The following ESYT3 variants were observed in gnomAD, a reference collection of about 807,000 sequenced individuals.
ESYT3 encodes extended synaptotagmin 3.
ESYT3 carries 101 observed loss-of-function variants against 111.5 expected under a neutral mutation model. The observed-to-expected ratio is 0.91, with a 90% CI of 0.77 to 1.07. The LOEUF is 1.07. Ranked by LOEUF, ESYT3 falls within the 50% of genes least tolerant of loss-of-function variation. ESYT3 has a pLI of 0.00. For missense variants in ESYT3, 1,097 were observed against 1,109.4 expected, an observed-to-expected ratio of 0.99 and a Z score of 0.16; for synonymous variants, 416 against 446.8, an observed-to-expected ratio of 0.93 and a Z score of 0.87.
chr3:138,452,262 A>C (rs1405513313), intron 2 of ESYT3, among the ~76,000 whole-genome samples, 173 bp downstream of exon 2: 1 of 152,216 alleles, frequency 6.6e-6, no homozygotes, highest in African/African-American at 2.4e-5. Context: ...TGTTAACAAC[A>C]ACAAATTGAA....
chr3:138,463,489 C>T (rs905553712), intron 8 of ESYT3, among the ~76,000 whole-genome samples: 2 of 152,202 alleles, frequency 1.3e-5, no homozygotes, highest in African/African-American at 4.8e-5. Context: ...CTCCAAAGTA[C>T]TTCACTATGG....
Position 138,469,506 on chromosome 3 carries a change from T to C in ESYT3, c.1503+2T>C, listed in dbSNP as rs1463135468. Reference sequence around the variant, plus strand: ...GGCAAGAAGACACATACAAGTAAGGTAAGACAGCTTGGTGTGTAGCCCTGG... The same window carrying C: ...GGCAAGAAGACACATACAAGTAAGGCAAGACAGCTTGGTGTGTAGCCCTGG... On this transcript the variant is annotated splice_donor_variant, in intron 15 of 22. Transcript: ENST00000389567. LOFTEE classifies it high-confidence loss of function. 4 of 1,613,440 alleles carry C rather than the reference T, an allele frequency of 2.5e-6. 1 individual carries two copies. Among genetic ancestry groups the C allele is most frequent in the Non-Finnish European group, 3.4e-6 (4 of 1,179,590 alleles).
At chr3:138,476,132 C>CA in intron 20 of ESYT3, 91 bp from the exon 21 acceptor site, 1 of 822,924 alleles carries the variant, frequency 1.2e-6, no homozygotes, top group Non-Finnish European at 2.1e-6. Flanking sequence ...CTGTACCTTT[C>CA]TGTTTTAGTA....
rs772763628 is a variant in ESYT3, at chr3:138,462,255, A to G, written c.915+49A>G. 1.9e-6 allele frequency: 3 copies of G among 1,612,998 alleles called. No homozygotes were observed. In the East Asian group the frequency reaches 6.7e-5, roughly 36 times the overall value. ...GACCAGCCTGCTGGGAGGCAGCGCAAATATCCTCTCAGCCTTCACATGTGG... is the reference window on the plus strand; with the variant it reads ...GACCAGCCTGCTGGGAGGCAGCGCAGATATCCTCTCAGCCTTCACATGTGG... On this transcript the variant is annotated intron_variant, in intron 8 of 22. Transcript: ENST00000389567.
At chr3:138,463,840 G>T (rs2108618914) in intron 8 of ESYT3, among the ~76,000 whole-genome samples, 1 of 152,196 alleles carries the variant, frequency 6.6e-6, no homozygotes, top group Non-Finnish European at 1.5e-5. Context: ...TAGGGAGGGG[G>T]TCTGCCCTGT....
rs1186135055 is a variant in ESYT3 at position 138,477,390 on chromosome 3, C to T, written c.*536C>T. ...ACACTGCCAAAGCCCTTCTGGCTGC[C>T]ACCTGTGGTACTTGTATGCCTGGAT... On this transcript the variant is annotated 3_prime_UTR_variant, in exon 23 of 23. Transcript: ENST00000389567. 1 of 152,494 alleles carries T rather than the reference C, an allele frequency of 6.6e-6. No homozygotes were observed. The highest frequency in any genetic ancestry group is 1.5e-5 in the Non-Finnish European group (1 of 68,274). 9.4% of individuals were successfully genotyped at this position (152,494 alleles called of 1,614,324 possible). A position where few individuals can be genotyped will look rare whatever the true frequency, so the allele number is the denominator to read the frequency against.
In ESYT3 at chr3:138,470,886, G is replaced by A. The variant is rs774398275; in HGVS notation, c.1600G>A (p.Asp534Asn). 1.4e-5 allele frequency: 23 copies of A among 1,614,146 alleles called. No homozygotes were observed. The highest frequency in any genetic ancestry group is 1.1e-5 in the Non-Finnish European group (13 of 1,180,014). Residue 534 changes from aspartate to asparagine, a missense_variant, in exon 17 of 23, where the codon GAT becomes AAT. By Grantham distance (23) the Asp-to-Asn change is conservative (BLOSUM62 1). Coordinates refer to ENST00000389567, the MANE Select transcript of ESYT3 (RefSeq NM_031913.5). ...CTGGACCACTGCCCAGGTGCTTGAT[G>A]ATGACCAGGAGTGTGCTCTGGGAAT... ...TERLHLKVLDDDQECALGMLE... is the reference protein window; with the variant it reads ...TERLHLKVLDNDQECALGMLE...
Position 138,464,340 on chromosome 3 carries a change from T to G in ESYT3, c.916-5T>G. ...CTGTGAGCCCTGGGCTTGGACATTTTCCAGGGGGTGATCAGAGTGCACTTG... is the reference window on the plus strand; with the variant it reads ...CTGTGAGCCCTGGGCTTGGACATTTGCCAGGGGGTGATCAGAGTGCACTTG... On this transcript the variant is annotated splice_region_variant and splice_polypyrimidine_tract_variant and intron_variant, in intron 8 of 22. Transcript: ENST00000389567. 1 of 1,613,842 alleles carries G rather than the reference T, an allele frequency of 6.2e-7. No individual in the cohort carries two copies. The highest frequency in any genetic ancestry group is 1.3e-5 in the African/African-American group (1 of 75,050).
chr3:138,476,959 A>C lies in ESYT3; in HGVS notation c.*105A>C. 1.2e-6 allele frequency: 1 copy of C among 823,072 alleles called. No homozygotes were observed. The highest frequency in any genetic ancestry group is 1.8e-6 in the Non-Finnish European group (1 of 544,190). 51.0% of individuals were successfully genotyped at this position (823,072 alleles called of 1,614,324 possible). A position where few individuals can be genotyped will look rare whatever the true frequency, so the allele number is the denominator to read the frequency against. On this transcript the variant is annotated 3_prime_UTR_variant, in exon 23 of 23. Coordinates refer to ENST00000389567, the MANE Select transcript of ESYT3 (RefSeq NM_031913.5). ...CAATATATGTATATTTTGTCATTTA[A>C]ATCAGAACAACCACTTGAAATTATA...
intron 1 of ESYT3, among the ~76,000 whole-genome samples, chr3:138,450,618 C>A (rs971208404): frequency 6.6e-6 from 1 of 152,214 alleles, no homozygotes; most frequent in Non-Finnish European, 1.5e-5. Flanking sequence ...TCCCAAGAGT[C>A]TCAGAAGCAC....
intron 1 of ESYT3, among the ~76,000 whole-genome samples, chr3:138,437,682 G>C (rs779191125): frequency 6.6e-6 from 1 of 152,156 alleles, no homozygotes; most frequent in African/African-American, 2.4e-5. Flanking sequence ...GGACGAGGAA[G>C]GCTGGAGGAG....
At chr3:138,462,428 A>C (rs1286858961) in intron 8 of ESYT3, 1 of 588,464 alleles carries the variant, frequency 1.7e-6, no homozygotes, top group Non-Finnish European at 3.0e-6. Flanking sequence ...TTCTAAACTT[A>C]CTTGGAATAT....
intron 3 of ESYT3, 82 bp downstream of exon 3, chr3:138,455,410 C>T: frequency 3.3e-6 from 5 of 1,513,862 alleles, no homozygotes; most frequent in Non-Finnish European, 4.5e-6. Flanking sequence ...TTCTCCCACC[C>T]AGGTCAGTCA....
At chr3:138,470,736 C>G in intron 16 of ESYT3, 141 bp from the exon 17 acceptor site, 1 of 1,507,374 alleles carries the variant, frequency 6.6e-7, no homozygotes, top group Non-Finnish European at 8.8e-7. Context: ...TGATCCCATT[C>G]TAGTTTTCAG....
chr3:138,476,900 A>G lies in ESYT3; in HGVS notation c.*46A>G, dbSNP rs755775357. 4.0e-6 allele frequency: 6 copies of G among 1,513,338 alleles called. No homozygotes were observed. The African/African-American group carries it at 5.7e-5, about 14-fold the overall frequency. 93.7% of individuals were successfully genotyped at this position (1,513,338 alleles called of 1,614,324 possible). A position where few individuals can be genotyped will look rare whatever the true frequency, so the allele number is the denominator to read the frequency against. On this transcript the variant is annotated 3_prime_UTR_variant, in exon 23 of 23. Transcript: ENST00000389567. ...CACCTTTATATTAAAATGTATATATATGTATATATTTTTTCCTTTGGATCA... is the reference window on the plus strand; with the variant it reads ...CACCTTTATATTAAAATGTATATATGTGTATATATTTTTTCCTTTGGATCA...
At position 138,457,573 on chromosome 3, in the gene ESYT3, C is replaced by T. The variant is rs2032363552; in HGVS notation, c.510C>T (p.Pro170=). The T allele has an allele frequency of 6.2e-7, 1 of 1,614,000 alleles. No individual in the cohort carries two copies. ...CCTTTTGGCATTTCTTCCAGTGTCC[C>T]AGGGTCAACGGTGTCAAGGCACACA... is the stretch of plus-strand genomic sequence containing the variant. The part of the protein sequence containing the change: ...FTKLYFGQKC[P]RVNGVKAHTN... The change falls in exon 4 of 23, where the codon CCC becomes CCT. Residue 170 remains proline, a synonymous_variant. Transcript: ENST00000389567.
chr3:138,437,183 G>T (rs1454628035), intron 1 of ESYT3, among the ~76,000 whole-genome samples: 1 of 152,172 alleles, frequency 6.6e-6, no homozygotes, highest in Non-Finnish European at 1.5e-5. Context: ...CTCGGGTGGG[G>T]GACAGATGCA....
rs1207345685 is a variant in ESYT3 at position 138,470,918 on chromosome 3, G to A, written c.1632G>A (p.Glu544=). ...DDQECALGML[E]VPLCQILPYA... ...AGGAGTGTGCTCTGGGAATGCTGGA[G>A]GTCCCCCTGTGCCAGATCCTCCCCT... Residue 544 remains glutamate, a synonymous_variant, in exon 17 of 23, where the codon GAG becomes GAA. Transcript: ENST00000389567. 5 of 1,614,050 alleles carry A rather than the reference G, an allele frequency of 3.1e-6. No homozygotes were observed. Among genetic ancestry groups the A allele is most frequent in the African/African-American group, 2.7e-5 (2 of 74,900 alleles).
chr3:138,480,704 CA>C (rs577762220), downstream of ESYT3: 117 of 152,060 alleles, frequency 7.7e-4, no homozygotes, highest in African/African-American at 2.8e-3. Flanking sequence ...GAAAACCCAA[CA>C]AATGCCATTT....
Sources: gnomAD v4.1 joint callset for allele counts (sites outside exome capture counted in the v4.1 genomes callset) on GRCh38, gnomAD v4.1.1 for gene constraint, MANE v1.5 for transcripts, NCBI Gene and HGNC (gene_info 2026-07-23, HGNC 2026-07-21) for gene names.